Variants in LCOR observed in about 807,000 individuals in gnomAD.
LCOR encodes ligand-dependent corepressor.
Under a neutral mutation model 64.4 loss-of-function variants are expected in LCOR, and 14 were observed. That is an observed-to-expected ratio of 0.22 (90% CI 0.14 to 0.34). The LOEUF is 0.34. Ranked by LOEUF, LCOR falls within the 10% of genes least tolerant of loss-of-function variation. LCOR has a pLI of 1.00. For synonymous variants in LCOR, 643 were observed against 642.5 expected, an observed-to-expected ratio of 1.00 and a Z score of -0.01; for missense variants, 1,686 against 1,765.3, an observed-to-expected ratio of 0.96 and a Z score of 0.80.
chr10:96,965,106 TCAC>T (rs1268702485), intron 7 of LCOR, among the ~76,000 whole-genome samples: 1 of 151,758 alleles, frequency 6.6e-6, no homozygotes, highest in Non-Finnish European at 1.5e-5. Flanking sequence ...CTTCCTGGGT[TCAC>T]ACCATTCTCC....
chr10:96,847,564 C>T (rs1184595253), intron 2 of LCOR, among the ~76,000 whole-genome samples: 1 of 152,114 alleles, frequency 6.6e-6, no homozygotes, highest in Non-Finnish European at 1.5e-5. Context: ...GCGTCAGACT[C>T]CCGAGTAGCT....
intron 2 of LCOR, among the ~76,000 whole-genome samples, chr10:96,873,875 C>T (rs950591211): frequency 2.0e-5 from 3 of 151,976 alleles, no homozygotes; most frequent in Admixed American, 2.0e-4. Flanking sequence ...ATATTGTATT[C>T]TTCTAGGATT....
At chr10:96,842,713 C>T (rs906289443) in intron 2 of LCOR, among the ~76,000 whole-genome samples, 1 of 149,734 alleles carries the variant, frequency 6.7e-6, no homozygotes, top group Non-Finnish European at 1.5e-5. Flanking sequence ...TCACTGCATC[C>T]TTTTCCTCCC....
chr10:96,835,066 A>G (rs575583240), intron 2 of LCOR, among the ~76,000 whole-genome samples: 1 of 152,052 alleles, frequency 6.6e-6, no homozygotes, highest in Non-Finnish European at 1.5e-5. Flanking sequence ...ACGCCCAGCT[A>G]ATTTTTGTAC....
chr10:96,948,878 T>C, intron 5 of LCOR, 130 bp from the exon 6 acceptor site: 1 of 605,294 alleles, frequency 1.7e-6, no homozygotes, highest in South Asian at 2.7e-5. Flanking sequence ...AAAACATAAG[T>C]CAAAGGGGAG....
chr10:96,955,039 G>A (rs1847743543), intron 7 of LCOR: 1 of 1,614,028 alleles, frequency 6.2e-7, no homozygotes, highest in Non-Finnish European at 8.5e-7. Context: ...GATGGAACCA[G>A]GGAAGGTTTT....
At chr10:96,876,595 C>G (rs1452662286) in intron 2 of LCOR, among the ~76,000 whole-genome samples, 2 of 152,150 alleles carry the variant, frequency 1.3e-5, no homozygotes, top group Admixed American at 6.5e-5. Flanking sequence ...AGAATGAACT[C>G]TTAATATTCA....
chr10:96,873,914 T>C (rs1398796219), intron 2 of LCOR, among the ~76,000 whole-genome samples: 2 of 152,124 alleles, frequency 1.3e-5, no homozygotes, highest in Non-Finnish European at 2.9e-5. Context: ...GATAGCATCA[T>C]GGAGTTTTTA....
intron 7 of LCOR, among the ~76,000 whole-genome samples, chr10:96,973,787 CAAG>C (rs1349072531): frequency 6.6e-6 from 1 of 152,122 alleles, no homozygotes; most frequent in African/African-American, 2.4e-5. Flanking sequence ...TTTTTTCAGT[CAAG>C]AAGAATGTAT....
chr10:96,982,860 G>A lies in LCOR; in HGVS notation c.2400G>A (p.Leu800=). Residue 800 remains leucine (L), a synonymous_variant, in exon 8 of 8, where the codon TTG becomes TTA. Transcript: ENST00000421806. The part of the protein sequence containing the change: ...DTSIDSLEEN[L]DKKKKGKKFP... ...GCATTGACTCACTCGAAGAGAATTTGGACAAGAAGAAAAAAGGTAAAAAAT... is the reference window on the plus strand; with the variant it reads ...GCATTGACTCACTCGAAGAGAATTTAGACAAGAAGAAAAAAGGTAAAAAAT... 1 of 1,613,950 alleles carries A rather than the reference G, an allele frequency of 6.2e-7. No homozygotes were observed. The highest frequency in any genetic ancestry group is 8.5e-7 in the Non-Finnish European group (1 of 1,180,032).
At chr10:96,898,309 G>A (rs1846577295) in intron 2 of LCOR, among the ~76,000 whole-genome samples, 1 of 152,144 alleles carries the variant, frequency 6.6e-6, no homozygotes, top group Admixed American at 6.5e-5. Context: ...TGGCGTGGAA[G>A]CATTGACAGT....
intron 2 of LCOR, among the ~76,000 whole-genome samples, chr10:96,876,039 A>G (rs1846158916): frequency 6.7e-6 from 1 of 149,414 alleles, no homozygotes; most frequent in Admixed American, 6.6e-5. Flanking sequence ...TAAAAGAAGT[A>G]GAAGCAACAT....
Position 96,982,617 on chromosome 10 carries a change from T to C in LCOR, c.2157T>C (p.Ser719=). The change falls in exon 8 of 8, where the codon AGT becomes AGC. Residue 719 remains serine, a synonymous_variant. Coordinates refer to ENST00000421806, the MANE Select transcript of LCOR (RefSeq NM_001346516.2). ...SSPMGLEPPM[S]LGKAEDNQSI... Reference sequence around the variant, plus strand: ...CAATGGGCTTGGAGCCCCCCATGAGTCTGGGAAAGGCTGAGGACAACCAAA... The same window carrying C: ...CAATGGGCTTGGAGCCCCCCATGAGCCTGGGAAAGGCTGAGGACAACCAAA... 1 of 1,614,068 alleles carries C rather than the reference T, an allele frequency of 6.2e-7. No homozygotes were observed. The highest frequency in any genetic ancestry group is 8.5e-7 in the Non-Finnish European group (1 of 1,180,010).
At position 96,981,970 on chromosome 10, in the gene LCOR, T is replaced by C; in HGVS notation, c.1510T>C (p.Tyr504His). The change falls in exon 8 of 8, where the codon TAC (tyrosine) becomes CAC (histidine). Residue 504 changes from tyrosine to histidine, a missense_variant. Transcript: ENST00000421806. ...RKTARKSTRGYFFNGDCCELP... is the reference protein window; with the variant it reads ...RKTARKSTRGHFFNGDCCELP... ...AACAGCCAGAAAGAGTACTCGAGGA[T>C]ACTTTTTCAATGGTGACTGTTGTGA... The C allele has an allele frequency of 6.2e-7, 1 of 1,614,114 alleles. No homozygotes were observed. Among genetic ancestry groups the C allele is most frequent in the Non-Finnish European group, 8.5e-7 (1 of 1,180,036 alleles).
chr10:96,881,413 T>C (rs994125678), intron 2 of LCOR, among the ~76,000 whole-genome samples: 2 of 152,098 alleles, frequency 1.3e-5, no homozygotes, highest in East Asian at 1.9e-4. Flanking sequence ...GTGGCAGATA[T>C]CAAGTCCTGG....
chr10:96,870,306 C>T lies in LCOR; in HGVS notation c.-330+36827C>T, dbSNP rs146996728. On this transcript the variant is annotated intron_variant, in intron 2 of 7. Transcript: ENST00000421806. ...GATTACAGGCGTGAGCCACCGCACC[C>T]GGCCCTAAACCCTAGGTTTTGACTT... 5.4e-4 allele frequency among the ~76,000 whole-genome samples: 82 copies of T among 152,200 alleles called. 1 individual carries two copies. Among genetic ancestry groups the T allele is most frequent in the East Asian group, 1.3e-3 (7 of 5,186 alleles).
At chr10:96,869,521 T>G (rs941495774) in intron 2 of LCOR, among the ~76,000 whole-genome samples, 4 of 151,988 alleles carry the variant, frequency 2.6e-5, no homozygotes, top group Non-Finnish European at 5.9e-5. Flanking sequence ...GGCCTAAGTT[T>G]TGAATGAACA....
chr10:96,898,477 A>G (rs775385299), intron 2 of LCOR, among the ~76,000 whole-genome samples: 2 of 152,200 alleles, frequency 1.3e-5, no homozygotes, highest in African/African-American at 4.8e-5. Flanking sequence ...AAAGCTATCA[A>G]ATGTTTTTAA....
intron 5 of LCOR, among the ~76,000 whole-genome samples, chr10:96,948,034 C>G (rs1228829766): frequency 1.3e-5 from 2 of 152,098 alleles, no homozygotes; most frequent in Non-Finnish European, 2.9e-5. Context: ...TCCTGATTGA[C>G]TATTATAGTG....
Sources: gnomAD v4.1 joint callset for allele counts (sites outside exome capture counted in the v4.1 genomes callset) on GRCh38, gnomAD v4.1.1 for gene constraint, MANE v1.5 for transcripts, NCBI Gene and HGNC (gene_info 2026-07-23, HGNC 2026-07-21) for gene names.